Variants in TRAPPC9 observed in about 807,000 individuals in gnomAD.
The protein encoded by TRAPPC9 is IKK2 binding protein.
In TRAPPC9, 83 loss-of-function variants were observed where a neutral mutation model predicts 124.0. The observed-to-expected ratio is 0.67, with a 90% CI of 0.56 to 0.80. The LOEUF (loss-of-function observed/expected upper bound fraction) is 0.80, where lower values mean the gene tolerates loss of function less well. Among genes scored for constraint, TRAPPC9 ranks in the 30% least tolerant of loss-of-function variants. TRAPPC9 has a pLI of 0.00. For missense variants in TRAPPC9, 1,302 were observed against 1,508.3 expected (o/e 0.86, Z 2.27); for synonymous variants, 638 against 617.5 (o/e 1.03, Z -0.49).
chr8:140,457,194 C>T (rs961494776), intron 1 of TRAPPC9, among the ~76,000 whole-genome samples: 3 of 152,226 alleles, frequency 2.0e-5, no homozygotes, highest in African/African-American at 4.8e-5. Context: ...GCGTCCCAGA[C>T]CCCGCGGGCT....
chr8:140,026,229 TACTC>T, intron 17 of TRAPPC9, among the ~76,000 whole-genome samples: 1 of 152,350 alleles, frequency 6.6e-6, no homozygotes, highest in East Asian at 1.9e-4. Flanking sequence ...TACTGTGTCT[TACTC>T]ATCCATTCGT....
At chr8:140,409,516 T>G (rs750242093) in intron 5 of TRAPPC9, among the ~76,000 whole-genome samples, 1 of 152,214 alleles carries the variant, frequency 6.6e-6, no homozygotes, top group Non-Finnish European at 1.5e-5. Flanking sequence ...GATTTGCTGA[T>G]ATATTATCTG....
intron 9 of TRAPPC9, among the ~76,000 whole-genome samples, chr8:140,355,488 A>G (rs138508118): frequency 2.7e-3 from 409 of 152,342 alleles, no homozygotes; most frequent in African/African-American, 8.4e-3. Context: ...CATGGATCAA[A>G]ACTTCCTACC....
chr8:139,882,638 A>G (rs1829742656), intron 21 of TRAPPC9, among the ~76,000 whole-genome samples: 2 of 152,174 alleles, frequency 1.3e-5, no homozygotes, highest in South Asian at 4.1e-4. Flanking sequence ...TCTATGGGGA[A>G]AGGGAGTCAG....
At chr8:139,797,339 G>A (rs1412458831) in intron 21 of TRAPPC9, among the ~76,000 whole-genome samples, 7 of 151,978 alleles carry the variant, frequency 4.6e-5, no homozygotes, top group African/African-American at 1.2e-4. Context: ...GGCTCACTGC[G>A]ACTTCCGCCT....
At chr8:140,246,480 T>C (rs2063990566) in intron 16 of TRAPPC9, among the ~76,000 whole-genome samples, 1 of 152,196 alleles carries the variant, frequency 6.6e-6, no homozygotes, top group East Asian at 1.9e-4. Flanking sequence ...TTATTCAAAT[T>C]CTAAACTACA....
At chr8:140,025,545 C>A (rs1840088362) in intron 17 of TRAPPC9, among the ~76,000 whole-genome samples, 1 of 135,406 alleles carries the variant, frequency 7.4e-6, no homozygotes, top group Non-Finnish European at 1.5e-5. Context: ...GGATATGACA[C>A]CAAAAGCATA....
At chr8:139,871,850 A>C (rs746773215) in intron 21 of TRAPPC9, among the ~76,000 whole-genome samples, 3 of 152,144 alleles carry the variant, frequency 2.0e-5, no homozygotes, top group Non-Finnish European at 4.4e-5. Context: ...TGAATGGATC[A>C]ATGGGTAGGT....
chr8:139,783,471 C>T (rs2130541671), intron 21 of TRAPPC9, among the ~76,000 whole-genome samples: 1 of 152,278 alleles, frequency 6.6e-6, no homozygotes, highest in East Asian at 1.9e-4. Flanking sequence ...CCAAAGTTCA[C>T]TAAAGAAGAA....
chr8:140,059,399 G>A (rs757432624), intron 17 of TRAPPC9, among the ~76,000 whole-genome samples: 2 of 152,156 alleles, frequency 1.3e-5, no homozygotes, highest in African/African-American at 4.8e-5. Context: ...TCTGAATAAC[G>A]TTGCAATGAA....
intron 17 of TRAPPC9, among the ~76,000 whole-genome samples, chr8:140,149,569 G>C (rs2061511846): frequency 1.3e-5 from 2 of 151,212 alleles, no homozygotes; most frequent in African/African-American, 4.9e-5. Context: ...GTGGTGAGCT[G>C]AGAGAGATCA....
At chr8:140,130,819 A>T (rs772161807) in intron 17 of TRAPPC9, among the ~76,000 whole-genome samples, 2 of 152,166 alleles carry the variant, frequency 1.3e-5, no homozygotes, top group African/African-American at 2.4e-5. Context: ...ACTATGCTTC[A>T]ATCTTCTGTA....
chr8:139,822,627 G>GC (rs1825327771), intron 21 of TRAPPC9, among the ~76,000 whole-genome samples: 1 of 151,958 alleles, frequency 6.6e-6, no homozygotes, highest in Non-Finnish European at 1.5e-5. Context: ...AGGATGGCGG[G>GC]GGGGGGCTGC....
intron 21 of TRAPPC9, among the ~76,000 whole-genome samples, chr8:139,796,495 A>C (rs1823105904): frequency 6.6e-6 from 1 of 152,184 alleles, no homozygotes; most frequent in Admixed American, 6.5e-5. Context: ...AAATAAATGG[A>C]ATCATACACT....
intron 18 of TRAPPC9, among the ~76,000 whole-genome samples, chr8:140,023,053 C>T (rs549345893): frequency 1.9e-4 from 29 of 152,208 alleles, no homozygotes; most frequent in Non-Finnish European, 3.1e-4. Flanking sequence ...ATCCCCCCAC[C>T]GCCCCCTTCG....
intron 19 of TRAPPC9, among the ~76,000 whole-genome samples, chr8:139,955,643 T>G (rs1323513263): frequency 6.6e-6 from 1 of 152,050 alleles, no homozygotes; most frequent in Non-Finnish European, 1.5e-5. Flanking sequence ...AGATGAAAAG[T>G]ATCTAACTGG....
At chr8:140,292,414 C>T (rs921710131) in intron 11 of TRAPPC9, among the ~76,000 whole-genome samples, 11 of 152,202 alleles carry the variant, frequency 7.2e-5, no homozygotes, top group Non-Finnish European at 1.5e-4. Context: ...CGAGCAGACA[C>T]GGGTGGCTAA....
intron 7 of TRAPPC9, among the ~76,000 whole-genome samples, chr8:140,385,416 A>T (rs2068728267): frequency 6.6e-6 from 1 of 152,162 alleles, no homozygotes; most frequent in Non-Finnish European, 1.5e-5. Flanking sequence ...TTGATAGACC[A>T]CTAGCAAGAC....
At chr8:139,737,924 C>T (rs750185899) in intron 21 of TRAPPC9, among the ~76,000 whole-genome samples, 7 of 152,162 alleles carry the variant, frequency 4.6e-5, no homozygotes, top group Non-Finnish European at 1.0e-4. Flanking sequence ...CTTTGCATTT[C>T]GACAGCTTCT....
Sources: allele counts gnomAD v4.1 joint callset (sites outside exome capture counted in the v4.1 genomes callset), GRCh38; gene constraint gnomAD v4.1.1; transcripts MANE v1.5; gene names NCBI Gene and HGNC (gene_info 2026-07-23, HGNC 2026-07-21).